Variants in GOLGA4 observed in about 807,000 individuals in gnomAD.
GOLGA4 encodes golgin subfamily A member 4.
GOLGA4 carries 169 observed loss-of-function variants against 265.9 expected under a neutral mutation model. The ratio of observed to expected loss-of-function variants is 0.64; its 90% CI spans 0.56 to 0.72. The LOEUF is 0.72. Among genes scored for constraint, GOLGA4 ranks in the 30% least tolerant of loss-of-function variants. The pLI is 0.00. For missense variants in GOLGA4, 2,482 were observed against 2,483.4 expected, an observed-to-expected ratio of 1.00 and a Z score of 0.01; for synonymous variants, 923 against 855.8, an observed-to-expected ratio of 1.08 and a Z score of -1.37.
intron 2 of GOLGA4, among the ~76,000 whole-genome samples, chr3:37,279,039 A>G (rs1370001125): frequency 6.6e-6 from 1 of 152,170 alleles, no homozygotes; most frequent in Non-Finnish European, 1.5e-5. Context: ...CAAATTAAAA[A>G]CAATGTATAT....
chr3:37,322,893 T>G (rs113818289), intron 13 of GOLGA4, among the ~76,000 whole-genome samples: 2 of 152,208 alleles, frequency 1.3e-5, no homozygotes, highest in African/African-American at 4.8e-5. Flanking sequence ...CTTTTTCTTC[T>G]AAAATTATGA....
chr3:37,328,964 T>A lies in GOLGA4; in HGVS notation c.6063T>A (p.Asn2021Lys), dbSNP rs754585216. The change falls in exon 16 of 24, where the codon AAT (asparagine) becomes AAA (lysine). Residue 2021 changes from asparagine to lysine, a missense_variant and splice_region_variant. Physicochemically the swap from Asn to Lys is moderately conservative, Grantham distance 94. Coordinates refer to ENST00000361924, the MANE Select transcript of GOLGA4 (RefSeq NM_002078.5). ...ELEMTIKETI[N>K]KAQEVEAELL... ...TGTGTGTTCATTTTTATTTATTAGA[T>A]AAGGCCCAGGAGGTGGAGGCTGAAC... 6.8e-5 allele frequency: 108 copies of A among 1,581,050 alleles called. No individual in the cohort carries two copies. Among genetic ancestry groups the A allele is most frequent in the Non-Finnish European group, 9.1e-5 (106 of 1,169,784 alleles).
chr3:37,328,224 A>G (rs565897053), intron 14 of GOLGA4, among the ~76,000 whole-genome samples, 192 bp from the exon 15 acceptor site: 1 of 149,184 alleles, frequency 6.7e-6, no homozygotes, highest in South Asian at 2.1e-4. Context: ...CATAGTTGAT[A>G]TGTACCTGGA....
In GOLGA4 at chr3:37,328,477, T is replaced by C; in HGVS notation, c.6001T>C (p.Phe2001Leu). 4 of 1,610,884 alleles carry C rather than the reference T, an allele frequency of 2.5e-6. No homozygotes were observed. Among genetic ancestry groups the C allele is most frequent in the Non-Finnish European group, 3.4e-6 (4 of 1,177,634 alleles). Residue 2001 changes from phenylalanine (F) to leucine (L), a missense_variant, in exon 15 of 24, where the codon TTT becomes CTT. Phe to Leu is a conservative substitution (Grantham distance 22). Transcript: ENST00000361924. ...NSTLKQLMRE[F>L]NTQLAQKEQE... The stretch of plus-strand genomic sequence containing the variant: ...CACATTAAAACAGCTGATGAGGGAG[T>C]TTAATACACAGCTGGCACAAAAGGA...
intron 22 of GOLGA4, 105 bp downstream of exon 22, chr3:37,355,292 CAAATCTTTATTAT>C (rs2097087900): frequency 1.5e-6 from 1 of 667,080 alleles, no homozygotes; most frequent in Admixed American, 2.4e-5. Flanking sequence ...TTTAAGATTT[CAAATCTTTATTAT>C]ATCACAGCCT....
chr3:37,252,522 A>G (rs575968800), intron 2 of GOLGA4, among the ~76,000 whole-genome samples: 1 of 152,290 alleles, frequency 6.6e-6, no homozygotes, highest in African/African-American at 2.4e-5. Context: ...ATTTTAACAC[A>G]TAAGAAGATA....
chr3:37,256,966 A>G (rs895285318), intron 2 of GOLGA4, among the ~76,000 whole-genome samples: 1 of 152,064 alleles, frequency 6.6e-6, no homozygotes, highest in African/African-American at 2.4e-5. Context: ...AAAGCAAACA[A>G]TTAAGTAGCG....
In GOLGA4 at chr3:37,324,365, A is replaced by C. The variant is rs2150961150; in HGVS notation, c.2479A>C (p.Lys827Gln). The C allele has an allele frequency of 5.0e-6, 8 of 1,614,204 alleles. No homozygotes were observed. The highest frequency in any genetic ancestry group is 4.5e-5 in the East Asian group (2 of 44,886). ...GGAACAGTTGGCCCAATTGCAGCAG[A>C]AGTTGTTGGATTTGGAAACAGAAAG... ...YEEQLAQLQQKLLDLETERIL... is the reference protein window; with the variant it reads ...YEEQLAQLQQQLLDLETERIL... The change falls in exon 14 of 24, where the codon AAG becomes CAG. Residue 827 changes from lysine to glutamine, a missense_variant. Transcript: ENST00000361924.
At chr3:37,346,344 A>G (rs867380376) in intron 20 of GOLGA4, among the ~76,000 whole-genome samples, 8 of 152,074 alleles carry the variant, frequency 5.3e-5, no homozygotes, top group Non-Finnish European at 1.2e-4. Context: ...TTATTATATT[A>G]CAACATAACT....
chr3:37,253,542 G>A (rs1478178443), intron 2 of GOLGA4, among the ~76,000 whole-genome samples: 3 of 151,962 alleles, frequency 2.0e-5, no homozygotes, highest in Admixed American at 6.6e-5. Context: ...CATTCTATCC[G>A]AAACCATCTC....
chr3:37,296,229 A>G lies in GOLGA4; in HGVS notation c.814+10A>G. ...GATGGAGAGCCAGTAGGTAAGCTTCATTTTGTCAAAAGGTTAATTTAAAAA... is the reference window on the plus strand; with the variant it reads ...GATGGAGAGCCAGTAGGTAAGCTTCGTTTTGTCAAAAGGTTAATTTAAAAA... On this transcript the variant is annotated intron_variant, in intron 7 of 23. Coordinates refer to ENST00000361924, the MANE Select transcript of GOLGA4 (RefSeq NM_002078.5). 2 of 1,613,686 alleles carry G rather than the reference A, an allele frequency of 1.2e-6. No homozygotes were observed. Among genetic ancestry groups the G allele is most frequent in the South Asian group, 2.2e-5 (2 of 91,064 alleles).
At chr3:37,256,385 G>A (rs1204627760) in intron 2 of GOLGA4, among the ~76,000 whole-genome samples, 4 of 151,884 alleles carry the variant, frequency 2.6e-5, no homozygotes, top group South Asian at 2.1e-4. Flanking sequence ...CAGGAGAATC[G>A]CTTGAACCCA....
intron 21 of GOLGA4, among the ~76,000 whole-genome samples, chr3:37,352,394 T>C (rs1200778691): frequency 6.6e-6 from 1 of 151,984 alleles, no homozygotes; most frequent in African/African-American, 2.4e-5. Context: ...ATTCACTCAC[T>C]ATCACAAGAA....
intron 10 of GOLGA4, among the ~76,000 whole-genome samples, chr3:37,307,071 T>A (rs1375006631): frequency 6.6e-6 from 1 of 152,174 alleles, no homozygotes; most frequent in African/African-American, 2.4e-5. Context: ...GAATAAAGTA[T>A]TTTGCTTAGA....
At chr3:37,255,630 T>C (rs963679186) in intron 2 of GOLGA4, among the ~76,000 whole-genome samples, 14 of 152,210 alleles carry the variant, frequency 9.2e-5, no homozygotes, top group African/African-American at 2.9e-4. Context: ...GGAAATTAAC[T>C]TAATGAAACC....
chr3:37,243,320 G>A lies in GOLGA4; in HGVS notation c.-231G>A, dbSNP rs934922641. ...GCCGCCGCGGCTCCCGGGGCTGGAT[G>A]GGGGGCCGAGGCCAGCCAGTGGCAC... On this transcript the variant is annotated 5_prime_UTR_variant, in exon 1 of 24. It removes an upstream start codon present in the reference 5' UTR. Coordinates refer to ENST00000361924, the MANE Select transcript of GOLGA4 (RefSeq NM_002078.5). 7.1e-5 allele frequency: 40 copies of A among 566,560 alleles called. No individual in the cohort carries two copies. Among genetic ancestry groups the A allele is most frequent in the Middle Eastern group, 4.7e-4 (1 of 2,134 alleles). The allele number at this position is 566,560 out of a possible 1,614,324, so 35.1% of individuals were successfully genotyped here. A position where few individuals can be genotyped will look rare whatever the true frequency, so the allele number is the denominator to read the frequency against.
At chr3:37,245,854 G>T (rs2096718030) in intron 1 of GOLGA4, among the ~76,000 whole-genome samples, 1 of 152,112 alleles carries the variant, frequency 6.6e-6, no homozygotes, top group Non-Finnish European at 1.5e-5. Flanking sequence ...GTGAGCCACT[G>T]CGCCTGGCCA....
rs58462458 is a variant in GOLGA4 at position 37,302,009 on chromosome 3, G to A, written c.1087-176G>A. Among the ~76,000 whole-genome samples the A allele has an allele frequency of 7.1e-3, 1,085 of 152,204 alleles. 15 individuals are homozygous for A. The highest frequency in any genetic ancestry group is 0.025 in the African/African-American group (1,018 of 41,526). ...TCGCCATGTTGGCCAGGCTGGTCTC[G>A]AACTCCTGATCTCAGGTGATCCACC... On this transcript the variant is annotated intron_variant, in intron 9 of 23. Transcript: ENST00000361924.
At chr3:37,329,180 G>GT (rs1425489410) in intron 16 of GOLGA4, 87 bp downstream of exon 16, 2 of 1,108,768 alleles carry the variant, frequency 1.8e-6, no homozygotes, top group Admixed American at 2.8e-5. Context: ...TTTCAAATGT[G>GT]TTTTTTGAAC....
Sources: allele counts gnomAD v4.1 joint callset (sites outside exome capture counted in the v4.1 genomes callset), GRCh38; gene constraint gnomAD v4.1.1; transcripts MANE v1.5; gene names NCBI Gene and HGNC (gene_info 2026-07-23, HGNC 2026-07-21).